The following STAC variants were observed in gnomAD, a reference collection of about 807,000 sequenced individuals.
The protein encoded by STAC is SH3 and cysteine-rich domain-containing protein.
A neutral mutation model predicts 48.8 loss-of-function variants in STAC; 43 were observed. The ratio of observed to expected loss-of-function variants is 0.88; its 90% CI spans 0.69 to 1.14. STAC has a LOEUF of 1.14. Ranked by LOEUF, STAC falls within the 50% of genes most tolerant of loss-of-function variation. The pLI, the probability that STAC is intolerant of heterozygous loss-of-function variation, is 0.00. For synonymous variants in STAC, 193 were observed against 179.5 expected, an observed-to-expected ratio of 1.07 and a Z score of -0.60; for missense variants, 497 against 504.0, an observed-to-expected ratio of 0.99 and a Z score of 0.13.
intron 8 of STAC, among the ~76,000 whole-genome samples, chr3:36,519,965 T>A (rs1442893317): frequency 6.6e-6 from 1 of 152,202 alleles, no homozygotes; most frequent in Non-Finnish European, 1.5e-5. Flanking sequence ...CAAAAATCAT[T>A]TGCATTAATA....
intron 2 of STAC, among the ~76,000 whole-genome samples, chr3:36,470,397 G>C (rs1697297913): frequency 6.6e-6 from 1 of 152,230 alleles, no homozygotes; most frequent in South Asian, 2.1e-4. Flanking sequence ...GGAGTATCTG[G>C]AAAGAGTCCT....
chr3:36,382,757 G>A (rs991079034), intron 1 of STAC, among the ~76,000 whole-genome samples: 2 of 152,188 alleles, frequency 1.3e-5, no homozygotes, highest in African/African-American at 2.4e-5. Flanking sequence ...CATGACACTG[G>A]AGGAGAGGAA....
At chr3:36,393,305 T>C (rs890105425) in intron 1 of STAC, among the ~76,000 whole-genome samples, 2 of 152,158 alleles carry the variant, frequency 1.3e-5, no homozygotes, top group Admixed American at 1.3e-4. Context: ...CTGTGTCCCT[T>C]TGTTCAGCAT....
intron 1 of STAC, among the ~76,000 whole-genome samples, chr3:36,439,749 C>T (rs558076403): frequency 4.1e-4 from 62 of 152,310 alleles, no homozygotes; most frequent in African/African-American, 1.3e-3. Flanking sequence ...AGGTCCTCAC[C>T]TCAAAGTGGC....
At chr3:36,398,182 T>A (rs145521093) in intron 1 of STAC, among the ~76,000 whole-genome samples, 172 of 152,062 alleles carry the variant, frequency 1.1e-3, no homozygotes, top group African/African-American at 3.8e-3. Context: ...AGGAAGCTCA[T>A]GAAGAGAGCA....
rs139066398 is a variant in STAC, at chr3:36,526,774, T to C, written c.921-1922T>C. ...CCTAAGGAGGGCTCTTATGTGAGCATAGAAGCCTGGGAAATAAGAACTGTG... is the reference window on the plus strand; with the variant it reads ...CCTAAGGAGGGCTCTTATGTGAGCACAGAAGCCTGGGAAATAAGAACTGTG... On this transcript the variant is annotated intron_variant, in intron 8 of 10. Transcript: ENST00000273183. Among the ~76,000 whole-genome samples the C allele has an allele frequency of 2.4e-3, 362 of 152,296 alleles. 1 individual carries two copies. The highest frequency in any genetic ancestry group is 8.0e-3 in the African/African-American group (333 of 41,568).
chr3:36,434,483 T>C (rs1159931065), intron 1 of STAC, among the ~76,000 whole-genome samples: 1 of 152,228 alleles, frequency 6.6e-6, no homozygotes, highest in Non-Finnish European at 1.5e-5. Context: ...GATGACTTCA[T>C]TTCAACTCAG....
chr3:36,415,489 A>G (rs1700299613), intron 1 of STAC, among the ~76,000 whole-genome samples: 1 of 152,156 alleles, frequency 6.6e-6, no homozygotes, highest in African/African-American at 2.4e-5. Flanking sequence ...TGCTAAGACC[A>G]TTGGAAAAGC....
intron 1 of STAC, among the ~76,000 whole-genome samples, chr3:36,397,080 C>T (rs570491195): frequency 1.3e-5 from 2 of 152,234 alleles, no homozygotes; most frequent in African/African-American, 2.4e-5. Flanking sequence ...AAAGTAAACA[C>T]GGTTTTGTCT....
intron 2 of STAC, among the ~76,000 whole-genome samples, chr3:36,461,915 G>T (rs1447026811): frequency 6.6e-6 from 1 of 152,138 alleles, no homozygotes; most frequent in Non-Finnish European, 1.5e-5. Context: ...ATTCTGTAGG[G>T]TAATTAACAG....
intron 8 of STAC, among the ~76,000 whole-genome samples, chr3:36,511,430 A>C (rs2125717491): frequency 6.6e-6 from 1 of 152,294 alleles, no homozygotes; most frequent in Admixed American, 6.5e-5. Context: ...CCATGCATTC[A>C]TGACCCCAAA....
intron 2 of STAC, among the ~76,000 whole-genome samples, chr3:36,447,470 A>T (rs1240575742): frequency 6.6e-6 from 1 of 152,216 alleles, no homozygotes; most frequent in Non-Finnish European, 1.5e-5. Flanking sequence ...TATTGCCATT[A>T]TAATGAATAA....
intron 10 of STAC, among the ~76,000 whole-genome samples, chr3:36,536,866 C>A: frequency 6.6e-6 from 1 of 150,786 alleles, no homozygotes; most frequent in Non-Finnish European, 1.5e-5. Flanking sequence ...AAAAAAAAAA[C>A]CCCAATAAAA....
intron 1 of STAC, among the ~76,000 whole-genome samples, chr3:36,404,117 G>GA (rs1700048572): frequency 1.3e-5 from 2 of 152,006 alleles, no homozygotes; most frequent in South Asian, 2.1e-4. Flanking sequence ...GGTCCTATGT[G>GA]AAAAAACATG....
intron 8 of STAC, among the ~76,000 whole-genome samples, chr3:36,516,465 T>C (rs908892765): frequency 6.6e-6 from 1 of 152,214 alleles, no homozygotes; most frequent in African/African-American, 2.4e-5. Context: ...CAGTCTCCTT[T>C]GCTACAGTTC....
At chr3:36,468,702 T>TTA (rs1189166603) in intron 2 of STAC, among the ~76,000 whole-genome samples, 1 of 147,272 alleles carries the variant, frequency 6.8e-6, no homozygotes, top group East Asian at 1.9e-4. Context: ...CCTTTTATCA[T>TTA]TATATATATA....
intron 1 of STAC, among the ~76,000 whole-genome samples, chr3:36,419,362 T>G (rs1295437227): frequency 6.6e-6 from 1 of 152,204 alleles, no homozygotes; most frequent in Non-Finnish European, 1.5e-5. Context: ...TAACGTTTAC[T>G]ATGCAGAGGC....
At chr3:36,401,438 C>A (rs546828332) in intron 1 of STAC, among the ~76,000 whole-genome samples, 1 of 152,134 alleles carries the variant, frequency 6.6e-6, no homozygotes, top group East Asian at 1.9e-4. Flanking sequence ...ACCTTAAGGA[C>A]CTCGATAGAA....
chr3:36,503,580 C>T (rs576805723), intron 6 of STAC, among the ~76,000 whole-genome samples: 1 of 152,176 alleles, frequency 6.6e-6, no homozygotes, highest in Non-Finnish European at 1.5e-5. Context: ...ATTACAGGCA[C>T]ATGCCACCAT....
Sources: gnomAD v4.1 joint callset for allele counts (sites outside exome capture counted in the v4.1 genomes callset) on GRCh38, gnomAD v4.1.1 for gene constraint, MANE v1.5 for transcripts, NCBI Gene and HGNC (gene_info 2026-07-23, HGNC 2026-07-21) for gene names.